KCP: variants seen among roughly 807,000 people sequenced by gnomAD.
The protein encoded by KCP is kielin/chordin-like protein.
Under a neutral mutation model 212.7 loss-of-function variants are expected in KCP, and 194 were observed. That is an observed-to-expected ratio of 0.91 (90% CI 0.81 to 1.03). The LOEUF (loss-of-function observed/expected upper bound fraction) is 1.03, where lower values mean the gene tolerates loss of function less well. Among genes scored for constraint, KCP ranks in the 50% least tolerant of loss-of-function variants. The pLI, the probability that KCP is intolerant of heterozygous loss-of-function variation, is 0.00. For missense variants in KCP, 2,080 were observed against 2,162.5 expected, an observed-to-expected ratio of 0.96 and a Z score of 0.76; for synonymous variants, 833 against 865.3, an observed-to-expected ratio of 0.96 and a Z score of 0.65.
chr7:128,877,732 C>T lies in KCP; in HGVS notation c.4370G>A (p.Cys1457Tyr), dbSNP rs1232508585. The stretch of plus-strand genomic sequence containing the variant: ...CCTGGCACGGTAACCTGCTGCCCGG[C>T]ACGGATCCACCTCTCGGCCTGCAGA... ...PCSAGREVDP[C>Y]RAAGYRARRE... Residue 1457 changes from cysteine to tyrosine, a missense_variant, in exon 39 of 40, where the codon TGC (cysteine) becomes TAC (tyrosine). Coordinates refer to ENST00000610776, the MANE Select transcript of KCP (RefSeq NM_001366122.1). 4.5e-6 allele frequency: 7 copies of T among 1,550,930 alleles called. No individual in the cohort carries two copies. The African/African-American group carries it at 9.6e-5, about 21-fold the overall frequency.
intron 5 of KCP, chr7:128,904,482 C>T (rs1795025682): frequency 1.1e-6 from 1 of 918,592 alleles, no homozygotes; most frequent in East Asian, 2.7e-5. Context: ...CATCCCTCTC[C>T]TTTGCCAGAG....
chr7:128,893,309 A>G lies in KCP; in HGVS notation c.1196T>C (p.Val399Ala). The G allele has an allele frequency of 1.9e-6, 3 of 1,551,420 alleles. No homozygotes were observed. Among genetic ancestry groups the G allele is most frequent in the Non-Finnish European group, 2.6e-6 (3 of 1,146,874 alleles). ...TGGGCACTCCTGCTCCTCACAGGAG[A>G]CCTCGCCAGCCTAGGAGGGAAGCAG... ...CVRCSCQAGE[V>A]SCEEQECPVT... Residue 399 changes from valine (V) to alanine (A), a missense_variant, in exon 13 of 40, where the codon GTC becomes GCC. By Grantham distance (64) the Val-to-Ala change is moderately conservative. Coordinates refer to ENST00000610776, the MANE Select transcript of KCP (RefSeq NM_001366122.1).
intron 28 of KCP, 21 bp from the exon 29 acceptor site, chr7:128,884,143 C>T (rs1352316671): frequency 1.3e-6 from 2 of 1,537,078 alleles, no homozygotes; most frequent in Admixed American, 2.1e-5. Context: ...GAGTGAGCAG[C>T]GGTGGGTCCT....
intron 5 of KCP, 125 bp downstream of exon 5, chr7:128,906,154 G>T: frequency 1.3e-6 from 1 of 772,532 alleles, no homozygotes; most frequent in Non-Finnish European, 2.2e-6. Context: ...GCACTCCCCT[G>T]GCCACTGTCA....
chr7:128,908,693 G>T, intron 1 of KCP, 125 bp from the exon 2 acceptor site: 1 of 1,030,714 alleles, frequency 9.7e-7, no homozygotes, highest in Non-Finnish European at 1.4e-6. Flanking sequence ...CTCTCCAATT[G>T]CCCACCCACC....
rs373964316 is a variant in KCP at position 128,888,978 on chromosome 7, G to C, written c.2397C>G (p.Pro799=). Reference sequence around the variant, plus strand: ...CTCCAAGACAGGTACACAGGTTGCAGGGTTCTCGGGGGTCTGGGAACTCCT... The same window carrying C: ...CTCCAAGACAGGTACACAGGTTGCACGGTTCTCGGGGGTCTGGGAACTCCT... ...SNQEFPDPRE[P]CNLCTCLGGF... Residue 799 remains proline (P), a synonymous_variant, in exon 22 of 40, where the codon CCC becomes CCG. Transcript: ENST00000610776. The C allele has an allele frequency of 3.2e-6, 5 of 1,544,114 alleles. No homozygotes were observed. The South Asian group carries it at 4.8e-5, about 15-fold the overall frequency.
chr7:128,901,877 T>C (rs1794868251), intron 8 of KCP, among the ~76,000 whole-genome samples: 2 of 152,178 alleles, frequency 1.3e-5, no homozygotes, highest in African/African-American at 4.8e-5. Flanking sequence ...TACATGTCCC[T>C]ACCTCCCCCA....
In KCP at chr7:128,879,517, C is replaced by T. The variant is rs1056444014; in HGVS notation, c.4146+5G>A. 99 of 1,547,936 alleles carry T rather than the reference C, an allele frequency of 6.4e-5. 1 individual carries two copies. The East Asian group carries it at 2.2e-3, about 35-fold the overall frequency. Reference sequence around the variant, plus strand: ...AGCCCACCCAGACTCGCCCTGGAGCCGCACCTGGAGCCCGGGCTGGGCGTG... The same window carrying T: ...AGCCCACCCAGACTCGCCCTGGAGCTGCACCTGGAGCCCGGGCTGGGCGTG... On this transcript the variant is annotated splice_donor_5th_base_variant and intron_variant, in intron 37 of 39. Coordinates refer to ENST00000610776, the MANE Select transcript of KCP (RefSeq NM_001366122.1).
At chr7:128,885,680 T>G (rs2128945519) in intron 26 of KCP, among the ~76,000 whole-genome samples, 1 of 152,310 alleles carries the variant, frequency 6.6e-6, no homozygotes, top group South Asian at 2.1e-4. Flanking sequence ...GGGGATTTCC[T>G]CTGTCCTGCC....
At chr7:128,895,701 A>T (rs60744822) in intron 8 of KCP, among the ~76,000 whole-genome samples, 15,438 of 152,180 alleles carry the variant, frequency 0.1, 2,422 homozygotes, top group African/African-American at 0.33. Context: ...GCCAAAACCC[A>T]CCAAAACCAA....
Position 128,890,445 on chromosome 7 carries a change from G to A in KCP, c.2233C>T (p.Leu745Phe), listed in dbSNP as rs757252374. The part of the protein sequence containing the change: ...RFPSPTAACH[L>F]CLCWEGSVSC... ...ACGCTGCCCTCCCAGCAAAGGCAGA[G>A]GTGGCAGGCAGCAGTGGGCGATGGG... Residue 745 changes from leucine (L) to phenylalanine (F), a missense_variant, in exon 21 of 40, where the codon CTC becomes TTC. Physicochemically the swap from Leu to Phe is conservative, Grantham distance 22 (BLOSUM62 0). Transcript: ENST00000610776. 4 of 1,551,138 alleles carry A rather than the reference G, an allele frequency of 2.6e-6. No individual in the cohort carries two copies. In the South Asian group the frequency reaches 3.6e-5, roughly 14 times the overall value.
At chr7:128,881,770 A>C in intron 30 of KCP, 45 bp from the exon 31 acceptor site, 2 of 1,478,784 alleles carry the variant, frequency 1.4e-6, no homozygotes, top group Non-Finnish European at 1.8e-6. Context: ...GATCTCAGGG[A>C]GCTGGTGGAG....
intron 8 of KCP, among the ~76,000 whole-genome samples, chr7:128,896,179 C>T (rs1021609038): frequency 6.6e-6 from 1 of 152,104 alleles, no homozygotes; most frequent in East Asian, 1.9e-4. Flanking sequence ...ACTGAAGAAA[C>T]CCCCCGACCA....
chr7:128,887,712 G>C (rs1459942646), intron 22 of KCP, among the ~76,000 whole-genome samples: 3 of 123,880 alleles, frequency 2.4e-5, no homozygotes, highest in East Asian at 2.6e-4. Context: ...TACACACACA[G>C]CCATAGACAC....
At chr7:128,903,703 C>A in intron 7 of KCP, 24 bp downstream of exon 7, 1 of 1,524,122 alleles carries the variant, frequency 6.6e-7, no homozygotes, top group Non-Finnish European at 8.8e-7. Flanking sequence ...GTGGCTCTAC[C>A]AGGGAGGGGC....
rs754016009 is a variant in KCP at position 128,910,664 on chromosome 7, C to G, written c.13G>C (p.Gly5Arg). The G allele has an allele frequency of 1.5e-5, 22 of 1,506,580 alleles. No homozygotes were observed. In the South Asian group the frequency reaches 2.1e-4, roughly 14 times the overall value. The allele number at this position is 1,506,580 out of a possible 1,614,324, so 93.3% of individuals were successfully genotyped here. Residue 5 changes from glycine (G) to arginine (R), a missense_variant, in exon 1 of 40, where the codon GGG becomes CGG. Transcript: ENST00000610776. MAGV[G>R]AAALSLLLHL... Reference sequence around the variant, plus strand: ...AGGAGAAGGGACAGCGCAGCGGCCCCGACCCCGGCCATGCTAGCTCCGCCT... The same window carrying G: ...AGGAGAAGGGACAGCGCAGCGGCCCGGACCCCGGCCATGCTAGCTCCGCCT...
chr7:128,881,503 C>G lies in KCP; in HGVS notation c.3424+123G>C, dbSNP rs1793331918. ...CTCCATTTCTAGAAAAGAATGAACCCTGCATTCTGTTCTAGAAACCGAGTA... is the reference window on the plus strand; with the variant it reads ...CTCCATTTCTAGAAAAGAATGAACCGTGCATTCTGTTCTAGAAACCGAGTA... On this transcript the variant is annotated intron_variant, in intron 31 of 39. Coordinates refer to ENST00000610776, the MANE Select transcript of KCP (RefSeq NM_001366122.1). 4.9e-6 allele frequency: 3 copies of G among 607,852 alleles called. No homozygotes were observed. The South Asian group carries it at 7.8e-5, about 16-fold the overall frequency. 37.7% of individuals were successfully genotyped at this position (607,852 alleles called of 1,614,324 possible). A position where few individuals can be genotyped will look rare whatever the true frequency, so the allele number is the denominator to read the frequency against.
chr7:128,903,895 C>A, intron 6 of KCP, 75 bp from the exon 7 acceptor site: 3 of 1,377,480 alleles, frequency 2.2e-6, no homozygotes, highest in Non-Finnish European at 3.0e-6. Flanking sequence ...GTTGGGCACC[C>A]TCGGAGGAGG....
chr7:128,883,071 A>C (rs969038148), intron 29 of KCP, among the ~76,000 whole-genome samples: 1 of 152,076 alleles, frequency 6.6e-6, no homozygotes, highest in African/African-American at 2.4e-5. Flanking sequence ...TCTCAAAAAA[A>C]CCAAAACCCA....
Sources: allele counts gnomAD v4.1 joint callset (sites outside exome capture counted in the v4.1 genomes callset), GRCh38; gene constraint gnomAD v4.1.1; transcripts MANE v1.5; gene names NCBI Gene and HGNC (gene_info 2026-07-23, HGNC 2026-07-21).